Variants in TAF6 observed in about 807,000 individuals in gnomAD.
TAF6 encodes the protein TATA-box binding protein associated factor 6.
A neutral mutation model predicts 73.5 loss-of-function variants in TAF6; 50 were observed. That is an observed-to-expected ratio of 0.68 (90% CI 0.54 to 0.86). The LOEUF is 0.86. TAF6 is among the 40% of genes least tolerant of loss of function. TAF6 has a pLI of 0.00. For synonymous variants in TAF6, 424 were observed against 376.7 expected (o/e 1.13, Z -1.45); for missense variants, 768 against 899.5 (o/e 0.85, Z 1.87).
chr7:100,109,232 G>A (rs1584539611), intron 12 of TAF6, among the ~76,000 whole-genome samples: 1 of 151,660 alleles, frequency 6.6e-6, no homozygotes, highest in Non-Finnish European at 1.5e-5. Flanking sequence ...GCTGAGGCAT[G>A]AGAATTGCTT....
chr7:100,113,865 C>T lies in TAF6; in HGVS notation c.243+3G>A. ...CCCCCCCCCGCCTGTCTCCCCAAAT[C>T]ACCTCGACATTCTTTAGCTTCAAGG... is the stretch of plus-strand genomic sequence containing the variant. On this transcript the variant is annotated splice_donor_region_variant and intron_variant, in intron 3 of 14. Transcript: ENST00000453269. 2 of 1,611,136 alleles carry T rather than the reference C, an allele frequency of 1.2e-6. No individual in the cohort carries two copies. Among genetic ancestry groups the T allele is most frequent in the Non-Finnish European group, 1.7e-6 (2 of 1,178,088 alleles).
At chr7:100,121,120 T>TATACA (rs1798049168), upstream of TAF6, 1 of 33,942 alleles carries the variant, frequency 2.9e-5, no homozygotes. Flanking sequence ...ATATATATTT[T>TATACA]TTTTTTTTTT....
At position 100,113,541 on chromosome 7, in the gene TAF6, G is replaced by A. The variant is rs1797394349; in HGVS notation, c.397+75C>T. On this transcript the variant is annotated intron_variant, in intron 4 of 14. Transcript: ENST00000453269. ...TCTCACACTGAGCTTTTCTTCTATT[G>A]TGAGGCTCCTCACACCTACACACAT... The A allele has an allele frequency of 8.3e-6, 13 of 1,565,210 alleles. No homozygotes were observed. The South Asian group carries it at 9.5e-5, about 11-fold the overall frequency.
At chr7:100,111,377 A>T (rs1797167415) in intron 9 of TAF6, 56 bp from the exon 10 acceptor site, 1 of 1,578,892 alleles carries the variant, frequency 6.3e-7, no homozygotes, top group Non-Finnish European at 8.6e-7. Flanking sequence ...GCTTGAGATA[A>T]AGTCTTGCTC....
At chr7:100,119,409 C>T, upstream of TAF6, 1 of 1,169,098 alleles carries the variant, frequency 8.6e-7, no homozygotes, top group Non-Finnish European at 1.1e-6. Flanking sequence ...ACTGCCCCTT[C>T]CCCGTACCAG....
rs748116599 is a variant in TAF6 at position 100,107,468 on chromosome 7, C to G, written c.1812G>C (p.Gln604His). Residue 604 changes from glutamine (Q) to histidine (H), a missense_variant, in exon 15 of 15, where the codon CAG (glutamine) becomes CAC (histidine). Gln to His is a conservative substitution (Grantham distance 24). This residue lies in a region of TAF6 where 350 missense variants were observed against 352.3 expected (regional missense o/e 0.99). Coordinates refer to ENST00000453269, the MANE Select transcript of TAF6 (RefSeq NM_139315.3). ...GGGGAAGTGAGACCACGATGTACTT[C>G]TGGACACTCCCAGGACCAGAGGGAG... ...STAPSGPGSV[Q>H]KYIVVSLPPT... The G allele has an allele frequency of 4.3e-6, 7 of 1,613,872 alleles. No individual in the cohort carries two copies. In the South Asian group the frequency reaches 5.5e-5, roughly 13 times the overall value.
At chr7:100,120,920 G>C (rs1461570830), upstream of TAF6, among the ~76,000 whole-genome samples, 2 of 151,646 alleles carry the variant, frequency 1.3e-5, no homozygotes, top group East Asian at 3.9e-4. Flanking sequence ...AGGTCTTATT[G>C]CTGTCTATAT....
intron 12 of TAF6, among the ~76,000 whole-genome samples, chr7:100,109,586 T>C (rs1316845369): frequency 6.7e-6 from 1 of 149,048 alleles, no homozygotes; most frequent in African/African-American, 2.6e-5. Context: ...AGCCTTGAAC[T>C]CCTGGGTTCA....
At chr7:100,120,282 C>G (rs1254726004), upstream of TAF6, 1 of 156,060 alleles carries the variant, frequency 6.4e-6, no homozygotes, top group African/African-American at 2.4e-5. Context: ...TCCCAAATTA[C>G]AGGCCCCACA....
chr7:100,114,120 C>T lies in TAF6; in HGVS notation c.90G>A (p.Gln30=), dbSNP rs1418844141. The part of the protein sequence containing the change: ...KVVAESMGIA[Q]IQEETCQLLT... ...GCAGCTGGCAGGTCTCCTCCTGAAT[C>T]TGGGCGATGCCCATGGATTCAGCCA... The change falls in exon 2 of 15, where the codon CAG becomes CAA. Residue 30 remains glutamine, a synonymous_variant. Transcript: ENST00000453269. The T allele has an allele frequency of 6.2e-7, 1 of 1,614,238 alleles. No homozygotes were observed.
chr7:100,119,323 G>A lies in TAF6; in HGVS notation c.-179C>T, dbSNP rs1005686940. 3.9e-6 allele frequency: 4 copies of A among 1,034,960 alleles called. No individual in the cohort carries two copies. The highest frequency in any genetic ancestry group is 1.7e-5 in the African/African-American group (1 of 57,758). 64.1% of individuals were successfully genotyped at this position (1,034,960 alleles called of 1,614,324 possible). On this transcript the variant is annotated 5_prime_UTR_variant, in exon 1 of 15. Transcript: ENST00000453269. ...AAACTCTAGCGGCAGCCGAGACGCT[G>A]CTCACCCGGCGCTCGGCGCCATCTT...
At chr7:100,127,073 C>T in the TAF6 span, 2 of 346,496 alleles carry the variant, frequency 5.8e-6, no homozygotes, top group Non-Finnish European at 1.1e-5. The surrounding 1 kb of genome is among the most constrained non-coding windows in gnomAD (Gnocchi z 4.6). Context: ...AGGTAGAGCG[C>T]GGCTAGGATT....
chr7:100,122,548 G>GAGC, upstream of TAF6: 1 of 1,612,788 alleles, frequency 6.2e-7, no homozygotes, highest in East Asian at 2.2e-5. Flanking sequence ...TGTTCACGCT[G>GAGC]AGCGCAAGGG....
upstream of TAF6, chr7:100,120,234 C>G (rs949845047): frequency 1.8e-5 from 3 of 167,668 alleles, no homozygotes; most frequent in South Asian, 4.4e-4. Context: ...GAGGCTCAGG[C>G]CTTGTGGACA....
intron 1 of TAF6, among the ~76,000 whole-genome samples, chr7:100,116,197 T>C (rs4134892): frequency 0.013 from 1,925 of 152,248 alleles, 22 homozygotes; most frequent in Non-Finnish European, 0.019. Context: ...ATAATGGCTC[T>C]CCACTTGCCA....
chr7:100,121,908 G>A, upstream of TAF6: 1 of 205,992 alleles, frequency 4.9e-6, no homozygotes, highest in Non-Finnish European at 1.0e-5. Context: ...AAATTAGCCG[G>A]GCGTGGTGGT....
rs1562920463 is a variant in TAF6, at chr7:100,108,446, C to G, written c.1379G>C (p.Cys460Ser). The change falls in exon 13 of 15, where the codon TGC becomes TCC. Residue 460 changes from cysteine to serine, a missense_variant. Physicochemically the swap from Cys to Ser is moderately radical, Grantham distance 112. Transcript: ENST00000453269. ...AEFGSLGPLL[C>S]SQVVKARAQA... ...GGCCCGAGCCTTGACCACCTGGGAG[C>G]AGAGGAGGGGCCCAAGGGACCCGAA... 6.2e-7 allele frequency: 1 copy of G among 1,613,840 alleles called. No homozygotes were observed. The highest frequency in any genetic ancestry group is 1.1e-5 in the South Asian group (1 of 91,076).
At chr7:100,110,158 G>C in intron 11 of TAF6, 42 bp downstream of exon 11, 1 of 1,614,004 alleles carries the variant, frequency 6.2e-7, no homozygotes, top group Non-Finnish European at 8.5e-7. Flanking sequence ...ATAACCTCAT[G>C]ACTGTGTCCC....
In TAF6 at chr7:100,107,918, C is replaced by T. The variant is rs774814889; in HGVS notation, c.1656+8G>A. Reference sequence around the variant, plus strand: ...TCCAGATGCTCCCTGTCCCACAGCTCTGCATACCTGCTGGGTGGATGGGGC... The same window carrying T: ...TCCAGATGCTCCCTGTCCCACAGCTTTGCATACCTGCTGGGTGGATGGGGC... On this transcript the variant is annotated splice_region_variant and intron_variant, in intron 14 of 14. Transcript: ENST00000453269. 9 of 1,601,440 alleles carry T rather than the reference C, an allele frequency of 5.6e-6. No homozygotes were observed. In the South Asian group the frequency reaches 9.0e-5, roughly 16 times the overall value.
Sources: allele counts gnomAD v4.1 joint callset (sites outside exome capture counted in the v4.1 genomes callset), GRCh38; gene constraint gnomAD v4.1.1; regional missense constraint gnomAD v4.1.1; non-coding constraint Gnocchi (gnomAD v3.1); transcripts MANE v1.5; gene names NCBI Gene and HGNC (gene_info 2026-07-23, HGNC 2026-07-21).